The following ATAD3B variants were observed in gnomAD, a reference collection of about 807,000 sequenced individuals.
ATAD3B encodes ATPase family AAA domain containing 3B.
ATAD3B carries 59 observed loss-of-function variants against 70.2 expected under a neutral mutation model. The ratio of observed to expected loss-of-function variants is 0.84; its 90% CI spans 0.68 to 1.04. ATAD3B has a LOEUF of 1.04. Ranked by LOEUF, ATAD3B falls within the 50% of genes least tolerant of loss-of-function variation. The pLI, the probability that ATAD3B is intolerant of heterozygous loss-of-function variation, is 0.00. For synonymous variants in ATAD3B, 423 were observed against 388.6 expected, an observed-to-expected ratio of 1.09 and a Z score of -1.04; for missense variants, 961 against 913.4, an observed-to-expected ratio of 1.05 and a Z score of -0.67.
chr1:1,493,708 C>T (rs186007208), intron 15 of ATAD3B, among the ~76,000 whole-genome samples: 2 of 151,922 alleles, frequency 1.3e-5, no homozygotes, highest in African/African-American at 2.4e-5. Context: ...GGTTTCCTTC[C>T]TCCACTCTGC....
chr1:1,482,029 G>A (rs1415361251), intron 5 of ATAD3B, 109 bp from the exon 6 acceptor site: 1 of 1,474,708 alleles, frequency 6.8e-7, no homozygotes, highest in Non-Finnish European at 9.1e-7. Flanking sequence ...CTGTGGCGTT[G>A]GTCTGTCCGT....
chr1:1,503,671 G>T, the ATAD3B span: 20 of 1,611,504 alleles, frequency 1.2e-5, no homozygotes, highest in Non-Finnish European at 1.6e-5. Context: ...AGTGAGTGGG[G>T]CCGGTGTGGG....
intron 15 of ATAD3B, among the ~76,000 whole-genome samples, chr1:1,493,846 C>T (rs1302061832): frequency 6.6e-6 from 1 of 151,812 alleles, no homozygotes; most frequent in Non-Finnish European, 1.5e-5. Context: ...TGAGGACTTT[C>T]CCAGTGAGGC....
Position 1,487,782 on chromosome 1 carries a change from C to G in ATAD3B, c.1215-81C>G. The G allele has an allele frequency of 2.6e-6, 4 of 1,548,414 alleles. No individual in the cohort carries two copies. The East Asian group carries it at 9.0e-5, about 35-fold the overall frequency. Reference sequence around the variant, plus strand: ...CCCCGTGGGGATCTGCCTGCCTGGCCTGCTCCTGCCGCGGCCGGACGCTGC... The same window carrying G: ...CCCCGTGGGGATCTGCCTGCCTGGCGTGCTCCTGCCGCGGCCGGACGCTGC... On this transcript the variant is annotated intron_variant, in intron 11 of 15. Transcript: ENST00000673477.
intron 12 of ATAD3B, among the ~76,000 whole-genome samples, 177 bp from the exon 13 acceptor site, chr1:1,489,027 T>C (rs1361710998): frequency 6.6e-6 from 1 of 151,874 alleles, no homozygotes; most frequent in East Asian, 1.9e-4. Flanking sequence ...CCTCCCAAAA[T>C]GCTGGGTTAC....
intron 1 of ATAD3B, among the ~76,000 whole-genome samples, chr1:1,473,092 G>T (rs1291457138): frequency 6.7e-6 from 1 of 149,432 alleles, no homozygotes; most frequent in Non-Finnish European, 1.5e-5. Context: ...TGAAGTGTTG[G>T]GATTACAGGC....
chr1:1,505,015 G>C, the ATAD3B span, among the ~76,000 whole-genome samples: 3 of 152,194 alleles, frequency 2.0e-5, no homozygotes, highest in Non-Finnish European at 4.4e-5. Flanking sequence ...TGTGTGCAGA[G>C]ACAAGAGAGT....
At chr1:1,479,491 C>T (rs1356563723) in intron 4 of ATAD3B, among the ~76,000 whole-genome samples, 2 of 142,872 alleles carry the variant, frequency 1.4e-5, no homozygotes, top group Admixed American at 1.4e-4. Flanking sequence ...CGCACACACC[C>T]CTACACAGGG....
chr1:1,491,601 C>T (rs930567423), intron 15 of ATAD3B, among the ~76,000 whole-genome samples: 1 of 151,888 alleles, frequency 6.6e-6, no homozygotes, highest in African/African-American at 2.4e-5. Flanking sequence ...TAGAAGGCGC[C>T]CTGGCCACAC....
rs763688550 is a variant in ATAD3B, at chr1:1,482,298, C to T, written c.675C>T (p.Ser225=). The change falls in exon 6 of 16, where the codon TCC becomes TCT. Residue 225 remains serine, a synonymous_variant. Coordinates refer to ENST00000673477, the MANE Select transcript of ATAD3B (RefSeq NM_031921.6). ...AGCACCGTCAGACCGTCTTGGAGTC[C>T]ATCAGGTGAGCACTGCCCAGGCCCG... is the stretch of plus-strand genomic sequence containing the variant. The part of the protein sequence containing the change: ...ASEHRQTVLE[S]IRTAGTLFGE... 6.2e-7 allele frequency: 1 copy of T among 1,607,540 alleles called. No homozygotes were observed. Among genetic ancestry groups the T allele is most frequent in the Non-Finnish European group, 8.5e-7 (1 of 1,177,860 alleles).
rs1430971435 is a variant in ATAD3B at position 1,495,870 on chromosome 1, G to C, written c.*53G>C. On this transcript the variant is annotated 3_prime_UTR_variant, in exon 16 of 16. Coordinates refer to ENST00000673477, the MANE Select transcript of ATAD3B (RefSeq NM_031921.6). ...TTCCTGCCCCTCGAGACACTCTTGGGAGATGCATTTTCCGTCTGGCTCACA... is the reference window on the plus strand; with the variant it reads ...TTCCTGCCCCTCGAGACACTCTTGGCAGATGCATTTTCCGTCTGGCTCACA... The C allele has an allele frequency of 6.7e-7, 1 of 1,496,588 alleles. No homozygotes were observed. Among genetic ancestry groups the C allele is most frequent in the Non-Finnish European group, 8.9e-7 (1 of 1,128,290 alleles). The allele number at this position is 1,496,588 out of a possible 1,614,324, so 92.7% of individuals were successfully genotyped here.
chr1:1,486,954 G>A (rs1338108224), intron 11 of ATAD3B, among the ~76,000 whole-genome samples: 22 of 151,172 alleles, frequency 1.5e-4, no homozygotes, highest in Admixed American at 1.5e-3. Flanking sequence ...AGCTGCAGGG[G>A]AGGCTCCTCC....
At chr1:1,502,044 A>G (rs1640956859), downstream of ATAD3B, among the ~76,000 whole-genome samples, 1 of 151,494 alleles carries the variant, frequency 6.6e-6, no homozygotes, top group East Asian at 1.9e-4. Flanking sequence ...ATGCCCAGCT[A>G]GTTTTTATGT....
chr1:1,490,235 C>T (rs773425999), intron 13 of ATAD3B, 22 bp from the exon 14 acceptor site: 1 of 1,604,134 alleles, frequency 6.2e-7, no homozygotes, highest in African/African-American at 1.3e-5. Context: ...CCAGCGTTTC[C>T]TTCCCCATCC....
At chr1:1,493,386 T>C (rs1640630385) in intron 15 of ATAD3B, among the ~76,000 whole-genome samples, 2 of 151,962 alleles carry the variant, frequency 1.3e-5, no homozygotes, top group African/African-American at 2.4e-5. Context: ...TCGCTGGCCT[T>C]CTTTGTGTTT....
chr1:1,491,856 G>A (rs192292677), intron 15 of ATAD3B, among the ~76,000 whole-genome samples: 37 of 151,988 alleles, frequency 2.4e-4, no homozygotes, highest in East Asian at 1.4e-3. Context: ...GTTCCAGGCC[G>A]TCCCCACTTG....
At chr1:1,475,148 G>A (rs1412838657) in intron 1 of ATAD3B, among the ~76,000 whole-genome samples, 1 of 149,252 alleles carries the variant, frequency 6.7e-6, no homozygotes, top group African/African-American at 2.5e-5. Context: ...CTCTGCCGGC[G>A]TTGCCAGTGC....
chr1:1,486,066 G>A lies in ATAD3B; in HGVS notation c.964-44G>A, dbSNP rs369240472. Reference sequence around the variant, plus strand: ...CGCAGCCCCTGTCACCGAGGCTTCCGTGGGTGCAGAGTGTCTCCCCCAAAC... The same window carrying A: ...CGCAGCCCCTGTCACCGAGGCTTCCATGGGTGCAGAGTGTCTCCCCCAAAC... On this transcript the variant is annotated intron_variant, in intron 9 of 15. Coordinates refer to ENST00000673477, the MANE Select transcript of ATAD3B (RefSeq NM_031921.6). 7.8e-5 allele frequency: 126 copies of A among 1,611,932 alleles called. 1 individual carries two copies. The highest frequency in any genetic ancestry group is 5.3e-4 in the East Asian group (24 of 44,874).
Position 1,490,657 on chromosome 1 carries a change from G to T in ATAD3B, c.1600G>T (p.Ala534Ser), listed in dbSNP as rs751683621. The T allele has an allele frequency of 6.3e-7, 1 of 1,593,178 alleles. No individual in the cohort carries two copies. Among genetic ancestry groups the T allele is most frequent in the Non-Finnish European group, 8.5e-7 (1 of 1,171,128 alleles). ...GMSGREIAQL[A>S]VSWQATAYAS... ...GTCGGGCCGGGAGATCGCTCAGCTG[G>T]CCGTGTCCTGGCAGGTGAGTCAGGC... Residue 534 changes from alanine (A) to serine (S), a missense_variant, in exon 15 of 16, where the codon GCC becomes TCC. By Grantham distance (99) the Ala-to-Ser change is moderately conservative (BLOSUM62 1). Transcript: ENST00000673477.
Sources: allele counts gnomAD v4.1 joint callset (sites outside exome capture counted in the v4.1 genomes callset), GRCh38; gene constraint gnomAD v4.1.1; transcripts MANE v1.5; gene names NCBI Gene and HGNC (gene_info 2026-07-23, HGNC 2026-07-21).